DPPA5: variants seen among roughly 807,000 people sequenced by gnomAD.
DPPA5 encodes the protein developmental pluripotency-associated 5 protein.
DPPA5 carries 11 observed loss-of-function variants against 11.3 expected under a neutral mutation model. The observed-to-expected ratio is 0.97, with a 90% CI of 0.61 to 1.61. The LOEUF is 1.61. Ranked by LOEUF, DPPA5 falls within the 40% of genes most tolerant of loss-of-function variation. The pLI is 0.00. For synonymous variants in DPPA5, 53 were observed against 59.2 expected, an observed-to-expected ratio of 0.90 and a Z score of 0.48; for missense variants, 132 against 151.8, an observed-to-expected ratio of 0.87 and a Z score of 0.68.
At chr6:73,353,411 T>A in intron 2 of DPPA5, 33 bp from the exon 3 acceptor site, 1 of 1,613,774 alleles carries the variant, frequency 6.2e-7, no homozygotes, top group Non-Finnish European at 8.5e-7. Context: ...GGCGTGAGTC[T>A]GGGGGAAAAT....
In DPPA5 at chr6:73,353,889, A is replaced by G. The variant is rs1477817368; in HGVS notation, c.256T>C (p.Ser86Pro). Residue 86 changes from serine (S) to proline (P), a missense_variant, in exon 2 of 3, where the codon TCC becomes CCC. Coordinates refer to ENST00000370370, the MANE Select transcript of DPPA5 (RefSeq NM_001025290.3). ...CGCTGGCGGTGCCACTCAGCCATGG[A>G]CTGGAGCATCCACTTGGTCCGGAGC... ...YKLRTKWMLQ[S>P]MAEWHRQRQE... The G allele has an allele frequency of 6.2e-7, 1 of 1,613,898 alleles. No individual in the cohort carries two copies. Among genetic ancestry groups the G allele is most frequent in the Non-Finnish European group, 8.5e-7 (1 of 1,179,960 alleles).
In DPPA5 at chr6:73,354,111, C is replaced by T; in HGVS notation, c.112+3G>A. 6.2e-7 allele frequency: 1 copy of T among 1,614,152 alleles called. No individual in the cohort carries two copies. Among genetic ancestry groups the T allele is most frequent in the South Asian group, 1.1e-5 (1 of 91,082 alleles). ...GCAGCCCGCCAGTACTGGGCACACTCACCGAAAATGGCTTTCAGCAGCCGC... is the reference window on the plus strand; with the variant it reads ...GCAGCCCGCCAGTACTGGGCACACTTACCGAAAATGGCTTTCAGCAGCCGC... On this transcript the variant is annotated splice_donor_region_variant and intron_variant, in intron 1 of 2. Transcript: ENST00000370370.
chr6:73,353,263 C>T lies in DPPA5; in HGVS notation c.*57G>A. ...AAACAAGCTTAAGGAATCACTCTAG[C>T]TCTGGCCACAACCTAATCTCTGCAA... On this transcript the variant is annotated 3_prime_UTR_variant, in exon 3 of 3. Transcript: ENST00000370370. 1 of 1,603,808 alleles carries T rather than the reference C, an allele frequency of 6.2e-7. No homozygotes were observed. The highest frequency in any genetic ancestry group is 2.2e-5 in the East Asian group (1 of 44,810).
chr6:73,353,161 A>G lies in DPPA5; in HGVS notation c.*159T>C. 1 of 728,950 alleles carries G rather than the reference A, an allele frequency of 1.4e-6. No homozygotes were observed. Among genetic ancestry groups the G allele is most frequent in the Admixed American group, 2.9e-5 (1 of 34,884 alleles). 45.2% of individuals were successfully genotyped at this position (728,950 alleles called of 1,614,324 possible). A position where few individuals can be genotyped will look rare whatever the true frequency, so the allele number is the denominator to read the frequency against. ...CAAAGAAATATTCACAACAAGACTC[A>G]GAGCCAAGGGTTTTCCCTTAACTCT... On this transcript the variant is annotated 3_prime_UTR_variant, in exon 3 of 3. Transcript: ENST00000370370.
At position 73,353,759 on chromosome 6, in the gene DPPA5, A is replaced by T. The variant is rs542433402; in HGVS notation, c.292+94T>A. 58 of 1,463,472 alleles carry T rather than the reference A, an allele frequency of 4.0e-5. No homozygotes were observed. The East Asian group carries it at 1.4e-3, about 34-fold the overall frequency. 90.7% of individuals were successfully genotyped at this position (1,463,472 alleles called of 1,614,324 possible). ...GGTGACGCCCAAGGTGCTGGCAGCG[A>T]GCAAGAGAGGAGAAAGAGGAGAGGG... On this transcript the variant is annotated intron_variant, in intron 2 of 2. Coordinates refer to ENST00000370370, the MANE Select transcript of DPPA5 (RefSeq NM_001025290.3).
Position 73,353,221 on chromosome 6 carries a change from G to A in DPPA5, c.*99C>T, listed in dbSNP as rs1287012097. 3.4e-6 allele frequency: 5 copies of A among 1,464,296 alleles called. No homozygotes were observed. In the African/African-American group the frequency reaches 4.2e-5, roughly 12 times the overall value. The allele number at this position is 1,464,296 out of a possible 1,614,324, so 90.7% of individuals were successfully genotyped here. A position where few individuals can be genotyped will look rare whatever the true frequency, so the allele number is the denominator to read the frequency against. On this transcript the variant is annotated 3_prime_UTR_variant, in exon 3 of 3. Transcript: ENST00000370370. ...CAAATGGTTTTCCCTTAACTCTTTA[G>A]GCTGGAGCAGATTTTAAAACAAGCT... is the stretch of plus-strand genomic sequence containing the variant.
chr6:73,354,082 C>T, intron 1 of DPPA5, 32 bp downstream of exon 1: 2 of 1,613,848 alleles, frequency 1.2e-6, no homozygotes, highest in Non-Finnish European at 1.7e-6. Flanking sequence ...ACTCCCGAGC[C>T]GGGGCAGCCC....
At chr6:73,353,812 G>T (rs1768727638) in intron 2 of DPPA5, 41 bp downstream of exon 2, 1 of 1,600,554 alleles carries the variant, frequency 6.2e-7, no homozygotes, top group Non-Finnish European at 8.5e-7. Flanking sequence ...AGCGGCCCCC[G>T]CGAGCCTGTG....
Position 73,353,262 on chromosome 6 carries a change from G to C in DPPA5, c.*58C>G. ...AAAACAAGCTTAAGGAATCACTCTA[G>C]CTCTGGCCACAACCTAATCTCTGCA... On this transcript the variant is annotated 3_prime_UTR_variant, in exon 3 of 3. Transcript: ENST00000370370. The C allele has an allele frequency of 6.2e-7, 1 of 1,600,710 alleles. No individual in the cohort carries two copies. The highest frequency in any genetic ancestry group is 8.6e-7 in the Non-Finnish European group (1 of 1,167,972).
In DPPA5 at chr6:73,353,325, T is replaced by C; in HGVS notation, c.346A>G (p.Lys116Glu). ...TGCATTGGCTGGAAACTGGTTCACT[T>C]CATCCAAGGGCCTAGTTCGAGGGCA... Reference protein sequence around the residue: ...MNALELGPWMK With the variant: ...MNALELGPWME Residue 116 changes from lysine (K) to glutamate (E), a missense_variant, in exon 3 of 3, where the codon AAG becomes GAG. Physicochemically the swap from Lys to Glu is moderately conservative, Grantham distance 56. Transcript: ENST00000370370. 3 of 1,614,140 alleles carry C rather than the reference T, an allele frequency of 1.9e-6. No individual in the cohort carries two copies. Among genetic ancestry groups the C allele is most frequent in the Non-Finnish European group, 2.5e-6 (3 of 1,180,024 alleles).
chr6:73,354,044 A>G lies in DPPA5; in HGVS notation c.113-12T>C. On this transcript the variant is annotated splice_polypyrimidine_tract_variant and intron_variant, in intron 1 of 2. Coordinates refer to ENST00000370370, the MANE Select transcript of DPPA5 (RefSeq NM_001025290.3). ...AGATCCGTCCGGGCCTGTTGGGGAA[A>G]AGAGATGAGATCCCCGGGCCGGCTG... 3.7e-6 allele frequency: 6 copies of G among 1,613,744 alleles called. No homozygotes were observed. The highest frequency in any genetic ancestry group is 5.1e-6 in the Non-Finnish European group (6 of 1,179,682).
intron 2 of DPPA5, 57 bp downstream of exon 2, chr6:73,353,796 G>A: frequency 1.3e-6 from 2 of 1,572,420 alleles, no homozygotes; most frequent in Non-Finnish European, 1.7e-6. Flanking sequence ...TGGAGGAGAG[G>A]CGCGAAGCGG....
Position 73,354,230 on chromosome 6 carries a change from T to C in DPPA5, c.-5A>G, listed in dbSNP as rs1768738240. The stretch of plus-strand genomic sequence containing the variant: ...ACGTGCCGGGAGAGTTCCCATCTTA[T>C]GACCCTCACAACCAAGACCACTCTC... On this transcript the variant is annotated 5_prime_UTR_variant, in exon 1 of 3. Coordinates refer to ENST00000370370, the MANE Select transcript of DPPA5 (RefSeq NM_001025290.3). 3 of 1,613,816 alleles carry C rather than the reference T, an allele frequency of 1.9e-6. No homozygotes were observed. The highest frequency in any genetic ancestry group is 8.5e-7 in the Non-Finnish European group (1 of 1,179,882).
chr6:73,353,825 C>A, intron 2 of DPPA5, 28 bp downstream of exon 2: 1 of 1,609,742 alleles, frequency 6.2e-7, no homozygotes, highest in South Asian at 1.1e-5. Context: ...AGCCTGTGTT[C>A]CGCGTACCCA....
In DPPA5 at chr6:73,353,966, A is replaced by G. The variant is rs1768731879; in HGVS notation, c.179T>C (p.Leu60Pro). 4 of 1,614,192 alleles carry G rather than the reference A, an allele frequency of 2.5e-6. No individual in the cohort carries two copies. The highest frequency in any genetic ancestry group is 3.4e-6 in the Non-Finnish European group (4 of 1,180,028). Residue 60 changes from leucine to proline, a missense_variant, in exon 2 of 3, where the codon CTG becomes CCG. Coordinates refer to ENST00000370370, the MANE Select transcript of DPPA5 (RefSeq NM_001025290.3). ...GACCTCGGTGAGGTCTGAAGACTCCAGAGCCTTCAGCTCGAGCATGGCCTT... is the reference window on the plus strand; with the variant it reads ...GACCTCGGTGAGGTCTGAAGACTCCGGAGCCTTCAGCTCGAGCATGGCCTT... The part of the protein sequence containing the change: ...VSKAMLELKA[L>P]ESSDLTEVVV...
chr6:73,354,179 A>T lies in DPPA5; in HGVS notation c.47T>A (p.Val16Asp). The T allele has an allele frequency of 6.2e-7, 1 of 1,614,166 alleles. No homozygotes were observed. The highest frequency in any genetic ancestry group is 2.2e-5 in the East Asian group (1 of 44,874). Residue 16 changes from valine to aspartate, a missense_variant, in exon 1 of 3, where the codon GTT (valine) becomes GAT (aspartate). Coordinates refer to ENST00000370370, the MANE Select transcript of DPPA5 (RefSeq NM_001025290.3). ...ARRHIPPWVK[V>D]PEDLKDPEVF... Reference sequence around the variant, plus strand: ...CTCTGGATCTTTCAGGTCTTCGGGAACTTTCACCCACGGCGGGATATGTCT... The same window carrying T: ...CTCTGGATCTTTCAGGTCTTCGGGATCTTTCACCCACGGCGGGATATGTCT...
In DPPA5 at chr6:73,354,196, G is replaced by T. The variant is rs1768737457; in HGVS notation, c.30C>A (p.Ile10=). Residue 10 remains isoleucine, a synonymous_variant, in exon 1 of 3, where the codon ATC becomes ATA. Transcript: ENST00000370370. MGTLPARRH[I]PPWVKVPEDL... ...CTTCGGGAACTTTCACCCACGGCGG[G>T]ATATGTCTACGTGCCGGGAGAGTTC... The T allele has an allele frequency of 1.2e-6, 2 of 1,614,248 alleles. No homozygotes were observed. Among genetic ancestry groups the T allele is most frequent in the African/African-American group, 2.7e-5 (2 of 75,072 alleles).
chr6:73,353,824 T>A, intron 2 of DPPA5, 29 bp downstream of exon 2: 1 of 1,609,704 alleles, frequency 6.2e-7, no homozygotes, highest in Non-Finnish European at 8.5e-7. Context: ...GAGCCTGTGT[T>A]CCGCGTACCC....
In DPPA5 at chr6:73,353,914, C is replaced by A. The variant is rs1667729720; in HGVS notation, c.231G>T (p.Lys77Asn). The A allele has an allele frequency of 1.2e-6, 2 of 1,614,008 alleles. No homozygotes were observed. Among genetic ancestry groups the A allele is most frequent in the African/African-American group, 1.3e-5 (1 of 74,940 alleles). The change falls in exon 2 of 3, where the codon AAG becomes AAT. Residue 77 changes from lysine to asparagine, a missense_variant. Coordinates refer to ENST00000370370, the MANE Select transcript of DPPA5 (RefSeq NM_001025290.3). ...EVVVYGSYLY[K>N]LRTKWMLQSM... ...ACTGGAGCATCCACTTGGTCCGGAG[C>A]TTGTACAAATAGGAGCCGTAAACCA...
Sources: gnomAD v4.1 joint callset for allele counts on GRCh38, gnomAD v4.1.1 for gene constraint, MANE v1.5 for transcripts, NCBI Gene and HGNC (gene_info 2026-07-23, HGNC 2026-07-21) for gene names.